LNX1: variants seen among roughly 807,000 people sequenced by gnomAD.
LNX1 encodes the protein E3 ubiquitin-protein ligase LNX.
In LNX1, 54 loss-of-function variants were observed where a neutral mutation model predicts 68.4. The observed-to-expected ratio is 0.79, with a 90% CI of 0.63 to 0.99. LNX1 has a LOEUF of 0.99. LNX1 is among the 50% of genes least tolerant of loss of function. The pLI is 0.00. For synonymous variants in LNX1, 336 were observed against 350.0 expected, an observed-to-expected ratio of 0.96 and a Z score of 0.45; for missense variants, 906 against 926.4, an observed-to-expected ratio of 0.98 and a Z score of 0.29.
chr4:53,478,758 GA>G lies in LNX1; in HGVS notation c.1486-17del. 1 of 1,604,084 alleles carries G rather than the reference GA, an allele frequency of 6.2e-7. No individual in the cohort carries two copies. Among genetic ancestry groups the G allele is most frequent in the Non-Finnish European group, 8.5e-7 (1 of 1,174,098 alleles). Reference sequence around the variant, plus strand: ...GATGGAGGGGCTGAAGGCACAGATGGAAAAACATGGCACATGAATTCACAAC... The same window carrying G: ...GATGGAGGGGCTGAAGGCACAGATGGAAAACATGGCACATGAATTCACAAC... On this transcript the variant is annotated splice_polypyrimidine_tract_variant and intron_variant, in intron 7 of 10. Transcript: ENST00000263925.
chr4:53,510,468 A>C (rs1018293885), intron 2 of LNX1, among the ~76,000 whole-genome samples: 2 of 152,228 alleles, frequency 1.3e-5, no homozygotes, highest in Non-Finnish European at 2.9e-5. Context: ...TTACACTGCT[A>C]GTGCTTGTCC....
intron 1 of LNX1, among the ~76,000 whole-genome samples, chr4:53,586,513 T>C (rs1008619068): frequency 1.3e-5 from 2 of 152,190 alleles, no homozygotes; most frequent in African/African-American, 4.8e-5. Flanking sequence ...TAAGAGTCAC[T>C]TGAAAAAAAT....
intron 2 of LNX1, among the ~76,000 whole-genome samples, chr4:53,600,950 C>T (rs926683922): frequency 2.0e-5 from 3 of 149,204 alleles, no homozygotes; most frequent in East Asian, 2.1e-4. Flanking sequence ...TGGCAGTGGG[C>T]GCCTGTAATC....
chr4:53,461,817 G>T (rs923810394), intron 9 of LNX1, among the ~76,000 whole-genome samples: 1 of 152,018 alleles, frequency 6.6e-6, no homozygotes, highest in Non-Finnish European at 1.5e-5. Flanking sequence ...TTAAAAAACT[G>T]ACAGCCCTAT....
chr4:53,555,806 C>A (rs1419213654), intron 2 of LNX1, among the ~76,000 whole-genome samples: 1 of 151,600 alleles, frequency 6.6e-6, no homozygotes, highest in African/African-American at 2.4e-5. Context: ...GATTCCCTAG[C>A]ATCATACTTT....
chr4:53,643,012 C>G (rs983412876), intron 1 of LNX1, among the ~76,000 whole-genome samples: 2 of 152,184 alleles, frequency 1.3e-5, no homozygotes, highest in African/African-American at 4.8e-5. Context: ...TTGGTTGTTA[C>G]AACTTGGGGA....
intron 2 of LNX1, among the ~76,000 whole-genome samples, chr4:53,598,637 G>A (rs1008548478): frequency 6.6e-6 from 1 of 152,170 alleles, no homozygotes; most frequent in Admixed American, 6.5e-5. Flanking sequence ...AGAAACATAG[G>A]AGGCCTTTGA....
chr4:53,493,822 T>A (rs1724865158), intron 6 of LNX1, among the ~76,000 whole-genome samples: 1 of 152,228 alleles, frequency 6.6e-6, no homozygotes, highest in Non-Finnish European at 1.5e-5. Flanking sequence ...TTAAGGCCGC[T>A]GGATCTTGCC....
chr4:53,621,815 T>C (rs1733890264), upstream of LNX1, among the ~76,000 whole-genome samples: 2 of 152,146 alleles, frequency 1.3e-5, no homozygotes, highest in South Asian at 4.2e-4. Flanking sequence ...GATTTGAGAG[T>C]TGGATTCTAA....
chr4:53,578,747 C>T (rs1731649121), intron 1 of LNX1, among the ~76,000 whole-genome samples: 1 of 152,162 alleles, frequency 6.6e-6, no homozygotes, highest in Non-Finnish European at 1.5e-5. Context: ...AATTCCCTGG[C>T]ACTTACCCAT....
chr4:53,521,470 C>T (rs1727212544), intron 2 of LNX1, among the ~76,000 whole-genome samples: 1 of 152,208 alleles, frequency 6.6e-6, no homozygotes, highest in East Asian at 1.9e-4. Context: ...TGCTGCATGA[C>T]ACTCAGTGGA....
In LNX1 at chr4:53,484,856, A is replaced by C. The variant is rs191587224; in HGVS notation, c.1351-3002T>G. Among the ~76,000 whole-genome samples, 840 of 152,304 alleles carry C rather than the reference A, an allele frequency of 5.5e-3. 4 individuals are homozygous for C. Among genetic ancestry groups the C allele is most frequent in the Non-Finnish European group, 7.3e-3 (496 of 68,018 alleles). On this transcript the variant is annotated intron_variant, in intron 6 of 10. Transcript: ENST00000263925. ...TAGAAAATCCTTCTGAAAAGGGCCC[A>C]AAAAAGAAGTTGGAGTCCTCTGCCC...
chr4:53,563,788 C>T (rs1271346720), intron 2 of LNX1, among the ~76,000 whole-genome samples: 1 of 152,210 alleles, frequency 6.6e-6, no homozygotes, highest in Non-Finnish European at 1.5e-5. Flanking sequence ...CCGCCTCGGC[C>T]TCCCAAAGTG....
At chr4:53,602,220 T>C (rs1733048537) in intron 2 of LNX1, among the ~76,000 whole-genome samples, 1 of 152,182 alleles carries the variant, frequency 6.6e-6, no homozygotes. Context: ...CATCACCATC[T>C]ATTCTAGGTC....
At chr4:53,485,928 C>T (rs1724261640) in intron 6 of LNX1, among the ~76,000 whole-genome samples, 2 of 152,198 alleles carry the variant, frequency 1.3e-5, no homozygotes, top group African/African-American at 2.4e-5. Context: ...CAAGGAATAG[C>T]TTACTGCAAG....
intron 1 of LNX1, among the ~76,000 whole-genome samples, chr4:53,646,719 G>A (rs1734894585): frequency 6.6e-6 from 1 of 152,330 alleles, no homozygotes; most frequent in Admixed American, 6.5e-5. Context: ...CCATGCTAAT[G>A]TGGGGCCATT....
rs1284085012 is a variant in LNX1, at chr4:53,461,577, T to C, written c.1909A>G (p.Lys637Glu). The C allele has an allele frequency of 7.5e-6, 12 of 1,610,730 alleles. No homozygotes were observed. The highest frequency in any genetic ancestry group is 1.3e-5 in the African/African-American group (1 of 74,764). Residue 637 changes from lysine to glutamate, a missense_variant, in exon 10 of 11, where the codon AAA becomes GAA. Lys to Glu is a moderately conservative substitution (Grantham distance 56). Coordinates refer to ENST00000263925, the MANE Select transcript of LNX1 (RefSeq NM_001126328.3). ...GTGTTTCTTCGTAATACAATATCTT[T>C]ACAGTTATACAAGCACCTGAAATAG... ...LELPRCLYNCKDIVLRRNTAG... is the reference protein window; with the variant it reads ...LELPRCLYNCEDIVLRRNTAG...
chr4:53,514,828 C>T (rs924538495), intron 2 of LNX1, among the ~76,000 whole-genome samples: 18 of 152,140 alleles, frequency 1.2e-4, no homozygotes, highest in African/African-American at 4.3e-4. Flanking sequence ...GCTAAGGGAC[C>T]TGAACCATGA....
chr4:53,558,001 T>C (rs1730040804), intron 2 of LNX1: 1 of 1,612,104 alleles, frequency 6.2e-7, no homozygotes, highest in Non-Finnish European at 8.5e-7. Context: ...CCTGGCCACC[T>C]TCTGTCAGCT....
Sources: gnomAD v4.1 joint callset for allele counts (sites outside exome capture counted in the v4.1 genomes callset) on GRCh38, gnomAD v4.1.1 for gene constraint, MANE v1.5 for transcripts, NCBI Gene and HGNC (gene_info 2026-07-23, HGNC 2026-07-21) for gene names.